Variants in LINGO2 observed in about 807,000 individuals in gnomAD.
LINGO2 encodes the protein leucine rich repeat and Ig domain containing 2, also known as leucine-rich repeat and immunoglobulin-like domain-containing nogo receptor-interacting protein 2.
In LINGO2, 14 loss-of-function variants were observed where a neutral mutation model predicts 30.6. That is an observed-to-expected ratio of 0.46 (90% CI 0.30 to 0.72). LINGO2 has a LOEUF of 0.72. Ranked by LOEUF, LINGO2 falls within the 30% of genes least tolerant of loss-of-function variation. The pLI is 0.07. For synonymous variants in LINGO2, 317 were observed against 288.5 expected (o/e 1.10, Z -1.00); for missense variants, 729 against 751.7 (o/e 0.97, Z 0.35).
At chr9:29,174,198 C>T in the LINGO2 span, among the ~76,000 whole-genome samples, 1 of 152,044 alleles carries the variant, frequency 6.6e-6, no homozygotes, top group Admixed American at 6.6e-5. Flanking sequence ...TGATCTATCT[C>T]ACACTATATT....
At chr9:29,203,685 A>G in the LINGO2 span, among the ~76,000 whole-genome samples, 2 of 152,186 alleles carry the variant, frequency 1.3e-5, no homozygotes, top group Non-Finnish European at 2.9e-5. Flanking sequence ...GAAAAATTCC[A>G]TTGGACATCT....
the LINGO2 span, among the ~76,000 whole-genome samples, chr9:28,871,468 T>G: frequency 6.6e-6 from 1 of 151,658 alleles, no homozygotes; most frequent in African/African-American, 2.4e-5. Flanking sequence ...ATTTCAACAT[T>G]TTACTTCATA....
intron 4 of LINGO2, among the ~76,000 whole-genome samples, chr9:28,171,759 A>G (rs1828589559): frequency 6.6e-6 from 1 of 152,018 alleles, no homozygotes; most frequent in Admixed American, 6.6e-5. Flanking sequence ...CTGTAATCCC[A>G]GCACTTTGGG....
chr9:28,597,710 T>TTATTATAA (rs762643220), intron 1 of LINGO2, among the ~76,000 whole-genome samples: 4 of 152,210 alleles, frequency 2.6e-5, no homozygotes, highest in Non-Finnish European at 5.9e-5. Flanking sequence ...TGGGGTTTTA[T>TTATTATAA]AATTATAAAA....
chr9:28,666,801 C>T (rs1190895049), intron 1 of LINGO2, among the ~76,000 whole-genome samples: 1 of 152,052 alleles, frequency 6.6e-6, no homozygotes, highest in African/African-American at 2.4e-5. Context: ...AAATATTTGG[C>T]CTTACTTTTG....
At chr9:29,041,655 C>A in the LINGO2 span, among the ~76,000 whole-genome samples, 1 of 151,888 alleles carries the variant, frequency 6.6e-6, no homozygotes, top group African/African-American at 2.4e-5. Flanking sequence ...AAAATGGACT[C>A]AAAATGTGTC....
intron 4 of LINGO2, among the ~76,000 whole-genome samples, chr9:28,065,167 C>G (rs1407582431): frequency 6.6e-6 from 1 of 151,072 alleles, no homozygotes; most frequent in Non-Finnish European, 1.5e-5. Context: ...AGAGATCAAA[C>G]TGTTGGTTTT....
the LINGO2 span, among the ~76,000 whole-genome samples, chr9:29,116,557 G>A: frequency 6.6e-6 from 1 of 151,668 alleles, no homozygotes; most frequent in African/African-American, 2.4e-5. Context: ...CTTTAAAATG[G>A]TGATCACATT....
At chr9:28,354,480 T>A (rs1044324123) in intron 3 of LINGO2, among the ~76,000 whole-genome samples, 5 of 152,212 alleles carry the variant, frequency 3.3e-5, no homozygotes, top group Non-Finnish European at 7.3e-5. Context: ...CATAATTTTT[T>A]ATGTGATTTT....
At chr9:28,608,162 A>C (rs939063733) in intron 1 of LINGO2, among the ~76,000 whole-genome samples, 1 of 151,904 alleles carries the variant, frequency 6.6e-6, no homozygotes, top group South Asian at 2.1e-4. Flanking sequence ...AAAAAAAAAA[A>C]AACTTAGTAC....
At chr9:28,087,714 C>T (rs1825954186) in intron 4 of LINGO2, among the ~76,000 whole-genome samples, 1 of 151,926 alleles carries the variant, frequency 6.6e-6, no homozygotes, top group South Asian at 2.1e-4. Flanking sequence ...TGCTTTGAGC[C>T]AAGTACACCA....
intron 2 of LINGO2, among the ~76,000 whole-genome samples, chr9:28,414,285 G>T (rs1211451394): frequency 2.0e-5 from 3 of 151,992 alleles, no homozygotes; most frequent in Admixed American, 6.6e-5. Flanking sequence ...TCATTATTTT[G>T]TTCTAGCCCT....
intron 1 of LINGO2, among the ~76,000 whole-genome samples, chr9:28,480,943 A>G (rs1240904360): frequency 1.3e-5 from 2 of 152,110 alleles, no homozygotes; most frequent in African/African-American, 4.8e-5. Context: ...CATCTGCCTC[A>G]ACAACAGTCC....
chr9:28,461,995 C>T (rs969558910), intron 2 of LINGO2, among the ~76,000 whole-genome samples: 3 of 152,100 alleles, frequency 2.0e-5, no homozygotes, highest in Non-Finnish European at 4.4e-5. Flanking sequence ...TGAGCAACCA[C>T]AGAGCCAAGA....
intron 5 of LINGO2, among the ~76,000 whole-genome samples, chr9:27,974,537 G>C (rs1194050827): frequency 6.6e-6 from 1 of 152,062 alleles, no homozygotes; most frequent in African/African-American, 2.4e-5. Context: ...CTGCAACACA[G>C]TCCATGCAAT....
the LINGO2 span, among the ~76,000 whole-genome samples, chr9:29,001,383 T>C: frequency 6.6e-6 from 1 of 152,030 alleles, no homozygotes; most frequent in Admixed American, 6.6e-5. Flanking sequence ...TTTATGTTGA[T>C]ATTTTTAAGC....
At chr9:29,022,555 C>T in the LINGO2 span, among the ~76,000 whole-genome samples, 7 of 152,114 alleles carry the variant, frequency 4.6e-5, no homozygotes, top group African/African-American at 1.7e-4. Flanking sequence ...GTGGGTCTTA[C>T]GGTTGATCTT....
chr9:28,997,827 A>AC, the LINGO2 span, among the ~76,000 whole-genome samples: 312 of 124,390 alleles, frequency 2.5e-3, 2 homozygotes, highest in Middle Eastern at 4.1e-3. Context: ...TGTCTCAAAA[A>AC]AAAACAAAAC....
At chr9:28,137,723 G>C (rs1247033751) in intron 4 of LINGO2, among the ~76,000 whole-genome samples, 1 of 151,880 alleles carries the variant, frequency 6.6e-6, no homozygotes, top group Non-Finnish European at 1.5e-5. Context: ...CATAATGATA[G>C]GCATATTACC....
Sources: gnomAD v4.1 joint callset for allele counts (sites outside exome capture counted in the v4.1 genomes callset) on GRCh38, gnomAD v4.1.1 for gene constraint, MANE v1.5 for transcripts, NCBI Gene and HGNC (gene_info 2026-07-23, HGNC 2026-07-21) for gene names.